Variants in PDLIM5 observed in about 807,000 individuals in gnomAD.
PDLIM5 encodes PDZ and LIM domain protein 5.
Under a neutral mutation model 64.2 loss-of-function variants are expected in PDLIM5, and 34 were observed. The ratio of observed to expected loss-of-function variants is 0.53; its 90% confidence interval spans 0.40 to 0.71. The LOEUF (loss-of-function observed/expected upper bound fraction) is 0.71. Among genes scored for constraint, PDLIM5 ranks in the 30% least tolerant of loss-of-function variants. The pLI is 0.00. For synonymous variants in PDLIM5, 253 were observed against 269.1 expected, an observed-to-expected ratio of 0.94 and a Z score of 0.59; for missense variants, 683 against 733.6, an observed-to-expected ratio of 0.93 and a Z score of 0.80.
In PDLIM5 at chr4:94,585,688, T is replaced by G; in HGVS notation, c.834T>G (p.Thr278=). The stretch of plus-strand genomic sequence containing the variant: ...ACTGGCGTCCAAGGACTGGAACAAC[T>G]CAGTCTCGCTCTTTCCGAATCCTTG... ...TEDWRPRTGT[T]QSRSFRILAQ... Residue 278 remains threonine (T), a synonymous_variant, in exon 6 of 13, where the codon ACT becomes ACG. Transcript: ENST00000317968. The G allele has an allele frequency of 6.2e-7, 1 of 1,613,716 alleles. No homozygotes were observed. The highest frequency in any genetic ancestry group is 8.5e-7 in the Non-Finnish European group (1 of 1,179,812).
Position 94,579,485 on chromosome 4 carries a change from T to A in PDLIM5, c.710+3451T>A, listed in dbSNP as rs1209851124. On this transcript the variant is annotated intron_variant, in intron 5 of 12. Coordinates refer to ENST00000317968, the MANE Select transcript of PDLIM5 (RefSeq NM_006457.5). ...CTTGGAAGATTAAAAAAAAATGATGTGGTAGTAATATTTTAAAATACTTTT... is the reference window on the plus strand; with the variant it reads ...CTTGGAAGATTAAAAAAAAATGATGAGGTAGTAATATTTTAAAATACTTTT... 5 of 1,126,680 alleles carry A rather than the reference T, an allele frequency of 4.4e-6. No individual in the cohort carries two copies. In the African/African-American group the frequency reaches 4.8e-5, roughly 11 times the overall value. The allele number at this position is 1,126,680 out of a possible 1,614,324, so 69.8% of individuals were successfully genotyped here.
intron 2 of PDLIM5, chr4:94,457,112 C>T (rs148770150): frequency 1.1e-6 from 1 of 894,366 alleles, no homozygotes; most frequent in African/African-American, 1.8e-5. Flanking sequence ...GTATGTGTAT[C>T]CAACTTCATT....
chr4:94,478,085 G>A (rs923183185), intron 2 of PDLIM5, among the ~76,000 whole-genome samples: 2 of 151,812 alleles, frequency 1.3e-5, no homozygotes, highest in South Asian at 2.1e-4. Flanking sequence ...GTGAAACCCC[G>A]TCTCTACTAA....
At chr4:94,468,214 A>G (rs112518720) in intron 2 of PDLIM5, among the ~76,000 whole-genome samples, 1,803 of 151,986 alleles carry the variant, frequency 0.012, 41 homozygotes, top group African/African-American at 0.041. Flanking sequence ...GTGCAGTGGC[A>G]CAATCAGAGC....
intron 3 of PDLIM5, among the ~76,000 whole-genome samples, chr4:94,525,419 C>T (rs922353288): frequency 6.7e-6 from 1 of 149,440 alleles, no homozygotes; most frequent in African/African-American, 2.5e-5. Flanking sequence ...CTCTGTCGCC[C>T]CACCCCCCAA....
intron 3 of PDLIM5, among the ~76,000 whole-genome samples, chr4:94,551,108 C>T (rs1732767112): frequency 6.6e-6 from 1 of 152,070 alleles, no homozygotes; most frequent in South Asian, 2.1e-4. Context: ...TAATGTGTAA[C>T]TGGTGACATG....
At chr4:94,660,078 A>C (rs1742560226) in intron 11 of PDLIM5, among the ~76,000 whole-genome samples, 1 of 151,564 alleles carries the variant, frequency 6.6e-6, no homozygotes, top group African/African-American at 2.4e-5. Flanking sequence ...TTGTATTTTT[A>C]GTGGAGACGG....
chr4:94,544,153 T>C (rs544484544), intron 3 of PDLIM5, among the ~76,000 whole-genome samples: 3 of 152,272 alleles, frequency 2.0e-5, no homozygotes, highest in African/African-American at 7.2e-5. Context: ...AGCTTGTCTC[T>C]TCCTCTTAGT....
chr4:94,525,591 G>T (rs1730282710), intron 3 of PDLIM5, among the ~76,000 whole-genome samples: 1 of 152,190 alleles, frequency 6.6e-6, no homozygotes, highest in Admixed American at 6.5e-5. Context: ...GTGATTGCTA[G>T]TGAAAGGATT....
intron 3 of PDLIM5, among the ~76,000 whole-genome samples, chr4:94,560,512 C>T (rs527517121): frequency 6.6e-5 from 10 of 152,038 alleles, no homozygotes; most frequent in Non-Finnish European, 1.2e-4. Context: ...GTCCTGAGTA[C>T]CTTATTGTTA....
chr4:94,536,437 G>A (rs946354705), intron 3 of PDLIM5, among the ~76,000 whole-genome samples: 1 of 152,116 alleles, frequency 6.6e-6, no homozygotes, highest in African/African-American at 2.4e-5. Flanking sequence ...AATATTTCCT[G>A]GATGAAAAGG....
rs1723241854 is a variant in PDLIM5, at chr4:94,455,395, T to G, written c.96+11T>G. On this transcript the variant is annotated intron_variant, in intron 2 of 12. Coordinates refer to ENST00000317968, the MANE Select transcript of PDLIM5 (RefSeq NM_006457.5). The stretch of plus-strand genomic sequence containing the variant: ...CTGACAATCTCTAGTGTAAGTAAAC[T>G]TTACAAATTTTATTATAGATGTTCA... 1 of 1,525,598 alleles carries G rather than the reference T, an allele frequency of 6.6e-7. No individual in the cohort carries two copies. The highest frequency in any genetic ancestry group is 1.7e-5 in the Admixed American group (1 of 59,796). 94.5% of individuals were successfully genotyped at this position (1,525,598 alleles called of 1,614,324 possible). A position where few individuals can be genotyped will look rare whatever the true frequency, so the allele number is the denominator to read the frequency against.
chr4:94,464,057 A>T (rs1308083526), intron 2 of PDLIM5, among the ~76,000 whole-genome samples: 1 of 152,142 alleles, frequency 6.6e-6, no homozygotes, highest in Non-Finnish European at 1.5e-5. Context: ...GATGCCAGGG[A>T]TATTTATATT....
intron 7 of PDLIM5, among the ~76,000 whole-genome samples, chr4:94,608,999 A>T (rs1290928240): frequency 6.6e-6 from 1 of 152,204 alleles, no homozygotes; most frequent in East Asian, 1.9e-4. Flanking sequence ...TTAATTCTGT[A>T]TCATTTTGAA....
intron 2 of PDLIM5, among the ~76,000 whole-genome samples, chr4:94,465,110 T>C (rs2433327): frequency 0.56 from 85,737 of 151,928 alleles, 26,407 homozygotes; most frequent in African/African-American, 0.82. Context: ...ACCCTGAAGT[T>C]CTTAGTCTTT....
rs1389049355 is a variant in PDLIM5 at position 94,503,497 on chromosome 4, T to C, written c.97-20227T>C. Among the ~76,000 whole-genome samples the C allele has an allele frequency of 2.0e-5, 3 of 152,196 alleles. No homozygotes were observed. The East Asian group carries it at 5.8e-4, about 29-fold the overall frequency. ...TCGTGTAGTAGGAAGATGGTTTTGA[T>C]AGTAGAGCTTCACATTGGGACAAGA... On this transcript the variant is annotated intron_variant, in intron 2 of 12. Coordinates refer to ENST00000317968, the MANE Select transcript of PDLIM5 (RefSeq NM_006457.5).
At chr4:94,501,795 A>T (rs1356199013) in intron 2 of PDLIM5, among the ~76,000 whole-genome samples, 1 of 152,146 alleles carries the variant, frequency 6.6e-6, no homozygotes, top group Admixed American at 6.5e-5. Flanking sequence ...ATAGACTTCC[A>T]TCATCATTCA....
At chr4:94,485,687 A>C (rs1560647756) in intron 2 of PDLIM5, among the ~76,000 whole-genome samples, 3 of 151,430 alleles carry the variant, frequency 2.0e-5, no homozygotes, top group South Asian at 2.1e-4. Context: ...CAAAAAAAAA[A>C]ACCCCAAAAA....
chr4:94,647,048 A>G (rs920945060), intron 9 of PDLIM5, among the ~76,000 whole-genome samples: 1 of 152,152 alleles, frequency 6.6e-6, no homozygotes, highest in East Asian at 1.9e-4. Flanking sequence ...CTATTAGCTG[A>G]TGACTTTGAT....
Sources: allele counts gnomAD v4.1 joint callset (sites outside exome capture counted in the v4.1 genomes callset), GRCh38; gene constraint gnomAD v4.1.1; transcripts MANE v1.5; gene names NCBI Gene and HGNC (gene_info 2026-07-23, HGNC 2026-07-21).